The following GPR19 variants were observed in gnomAD, a reference collection of about 807,000 sequenced individuals.
The protein encoded by GPR19 is probable G protein-coupled receptor 19.
A neutral mutation model predicts 28.5 loss-of-function variants in GPR19; 14 were observed. The ratio of observed to expected loss-of-function variants is 0.49; its 90% CI spans 0.32 to 0.77. The LOEUF (loss-of-function observed/expected upper bound fraction) is 0.77, where lower values mean the gene tolerates loss of function less well. GPR19 is among the 30% of genes least tolerant of loss of function. The pLI is 0.03. For missense variants in GPR19, 409 were observed against 504.1 expected, an observed-to-expected ratio of 0.81 and a Z score of 1.81; for synonymous variants, 173 against 184.1, an observed-to-expected ratio of 0.94 and a Z score of 0.49.
At chr12:12,707,875 C>T in the GPR19 span, among the ~76,000 whole-genome samples, 5 of 151,222 alleles carry the variant, frequency 3.3e-5, no homozygotes, top group Non-Finnish European at 7.4e-5. Flanking sequence ...TGAGTCACTG[C>T]GCCGAGCCCA....
intron 3 of GPR19, among the ~76,000 whole-genome samples, chr12:12,677,654 A>C (rs780827816): frequency 2.4e-4 from 37 of 152,172 alleles, no homozygotes; most frequent in Non-Finnish European, 3.7e-4. Flanking sequence ...AACATGGCTG[A>C]ACATGTATTT....
At chr12:12,701,516 C>A in the GPR19 span, among the ~76,000 whole-genome samples, 1 of 152,034 alleles carries the variant, frequency 6.6e-6, no homozygotes, top group East Asian at 1.9e-4. Flanking sequence ...GAGTTGGTAC[C>A]CAATTATGGG....
chr12:12,688,996 C>T (rs1946136105), intron 2 of GPR19: 1 of 152,220 alleles, frequency 6.6e-6, no homozygotes, highest in Admixed American at 6.5e-5. Context: ...TTTAATTGTA[C>T]ACATTTGCAG....
At position 12,671,380 on chromosome 12, in the gene GPR19, T is replaced by G. The variant is rs148885064; in HGVS notation, c.-22-8910A>C. ...ACCTCACACCAATGAAAACAGAGCT[T>G]CTTTCCACCACCTGAAACTCCTGGT... is the stretch of plus-strand genomic sequence containing the variant. On this transcript the variant is annotated intron_variant, in intron 3 of 3. Transcript: ENST00000651487. Among the ~76,000 whole-genome samples the G allele has an allele frequency of 3.7e-3, 557 of 152,188 alleles. 4 individuals carry two copies. Among genetic ancestry groups the G allele is most frequent in the African/African-American group, 0.013 (525 of 41,528 alleles).
intron 3 of GPR19, among the ~76,000 whole-genome samples, chr12:12,668,728 A>T (rs1945816156): frequency 6.6e-6 from 1 of 151,892 alleles, no homozygotes; most frequent in East Asian, 1.9e-4. Context: ...TATCTGCTGG[A>T]CCTACATGGA....
the GPR19 span, chr12:12,717,088 G>A: frequency 2.0e-6 from 2 of 1,010,748 alleles, no homozygotes; most frequent in African/African-American, 1.7e-5. Context: ...CCCCGCCCCA[G>A]GTTCCCGGCC....
chr12:12,662,006 G>T lies in GPR19; in HGVS notation c.443C>A (p.Thr148Asn). 2 of 1,614,198 alleles carry T rather than the reference G, an allele frequency of 1.2e-6. No individual in the cohort carries two copies. The highest frequency in any genetic ancestry group is 2.2e-5 in the South Asian group (2 of 91,084). ...GAGAACGTAGATCTGGACACCTGGA[G>T]TGAGATATTGAAAATATCGCACAAC... ...CKVVRYFQYL[T>N]PGVQIYVLLS... The change falls in exon 4 of 4, where the codon ACT (threonine) becomes AAT (asparagine). Residue 148 changes from threonine to asparagine, a missense_variant. Physicochemically the swap from Thr to Asn is moderately conservative, Grantham distance 65 (BLOSUM62 0). Transcript: ENST00000651487.
At chr12:12,674,274 CA>C (rs11423009) in intron 3 of GPR19, among the ~76,000 whole-genome samples, 247 of 103,848 alleles carry the variant, frequency 2.4e-3, no homozygotes, top group African/African-American at 6.8e-3. Context: ...CTATCTCTAC[CA>C]AAAAAAAAAA....
the GPR19 span, among the ~76,000 whole-genome samples, chr12:12,706,237 A>G: frequency 9.2e-5 from 14 of 152,320 alleles, no homozygotes; most frequent in South Asian, 2.9e-3. Flanking sequence ...TACTTGACCT[A>G]TCAGTGGCAT....
chr12:12,694,213 T>C (rs902673484), intron 2 of GPR19, among the ~76,000 whole-genome samples: 1 of 137,750 alleles, frequency 7.3e-6, no homozygotes. Context: ...TTTTTTTTTT[T>C]TTTGAGACGG....
intron 3 of GPR19, among the ~76,000 whole-genome samples, chr12:12,665,446 A>G (rs1467981145): frequency 2.0e-5 from 3 of 152,202 alleles, no homozygotes; most frequent in African/African-American, 4.8e-5. Context: ...TCCTGAGTCT[A>G]GATTTCCCCT....
In GPR19 at chr12:12,695,178, G is replaced by A. The variant is rs550799779; in HGVS notation, c.-180+281C>T. 2.6e-5 allele frequency among the ~76,000 whole-genome samples: 4 copies of A among 152,310 alleles called. No homozygotes were observed. In the South Asian group the frequency reaches 8.3e-4, roughly 32 times the overall value. ...CAGCATTCTTCTGCCTTGTACTCCA[G>A]ATAGTATACAAAGAATCAAATTATA... On this transcript the variant is annotated intron_variant, in intron 2 of 3. Transcript: ENST00000651487.
intron 2 of GPR19, among the ~76,000 whole-genome samples, chr12:12,686,848 A>G (rs997499238): frequency 3.9e-5 from 6 of 152,228 alleles, no homozygotes; most frequent in African/African-American, 1.4e-4. Flanking sequence ...AAAATGACCA[A>G]CATATTTATT....
upstream of GPR19, among the ~76,000 whole-genome samples, chr12:12,701,161 T>C (rs1383953636): frequency 2.0e-5 from 3 of 152,228 alleles, no homozygotes; most frequent in Non-Finnish European, 2.9e-5. Context: ...ACCACAGAAC[T>C]TAATGTTGTA....
the GPR19 span, among the ~76,000 whole-genome samples, chr12:12,713,058 T>A: frequency 4.8e-5 from 3 of 62,368 alleles, no homozygotes; most frequent in Non-Finnish European, 6.8e-5. Flanking sequence ...TCTGATGCGC[T>A]TTTTTTTTTT....
Position 12,661,799 on chromosome 12 carries a change from G to A in GPR19, c.650C>T (p.Ser217Phe). 1 of 1,614,030 alleles carries A rather than the reference G, an allele frequency of 6.2e-7. No homozygotes were observed. The highest frequency in any genetic ancestry group is 8.5e-7 in the Non-Finnish European group (1 of 1,179,960). The change falls in exon 4 of 4, where the codon TCT (serine) becomes TTT (phenylalanine). Residue 217 changes from serine (S) to phenylalanine (F), a missense_variant. By Grantham distance (155) the Ser-to-Phe change is radical. Coordinates refer to ENST00000651487, the MANE Select transcript of GPR19 (RefSeq NM_006143.3). This position sits in a 1 kb window ranked among gnomAD's most constrained non-coding sequence, Gnocchi z 4.2. Reference sequence around the variant, plus strand: ...GACAGTGTAGGCAGTGCCTTCCCAAGAGGAGGGGAGGAAATAGTTACAATG... The same window carrying A: ...GACAGTGTAGGCAGTGCCTTCCCAAAAGGAGGGGAGGAAATAGTTACAATG... ...DSHCNYFLPS[S>F]WEGTAYTVIH...
the GPR19 span, among the ~76,000 whole-genome samples, chr12:12,707,810 C>T: frequency 6.6e-6 from 1 of 151,532 alleles, no homozygotes; most frequent in Non-Finnish European, 1.5e-5. Flanking sequence ...GGTCAAACTC[C>T]TGGCCTCAAG....
At chr12:12,697,153 T>TAAAAGAAAAAAAAAAAA (rs1946277514), upstream of GPR19, among the ~76,000 whole-genome samples, 1 of 48,846 alleles carries the variant, frequency 2.0e-5, no homozygotes, top group African/African-American at 7.5e-5. Flanking sequence ...TGAAGCGAAG[T>TAAAAGAAAAAAAAAAAA]AAAAAAAAAA....
intron 3 of GPR19, among the ~76,000 whole-genome samples, chr12:12,680,937 C>A (rs570900084): frequency 2.6e-5 from 4 of 152,338 alleles, no homozygotes; most frequent in Non-Finnish European, 5.9e-5. Flanking sequence ...ATTCTGCCCC[C>A]CTCAGCCTCC....
Sources: gnomAD v4.1 joint callset for allele counts (sites outside exome capture counted in the v4.1 genomes callset) on GRCh38, gnomAD v4.1.1 for gene constraint, Gnocchi (gnomAD v3.1) non-coding constraint, MANE v1.5 for transcripts, NCBI Gene and HGNC (gene_info 2026-07-23, HGNC 2026-07-21) for gene names.